The following GSK3B variants were observed in gnomAD, a reference collection of about 807,000 sequenced individuals.
The protein encoded by GSK3B is glycogen synthase kinase 3 beta, also known as glycogen synthase kinase-3 beta.
Under a neutral mutation model 56.4 loss-of-function variants are expected in GSK3B, and 15 were observed. The ratio of observed to expected loss-of-function variants is 0.27; its 90% confidence interval spans 0.18 to 0.41. GSK3B has a LOEUF of 0.41. Among genes scored for constraint, GSK3B ranks in the 10% least tolerant of loss-of-function variants. GSK3B has a pLI of 1.00. For synonymous variants in GSK3B, 181 were observed against 188.9 expected (o/e 0.96, Z 0.34); for missense variants, 300 against 513.4 (o/e 0.58, Z 4.02).
At position 119,877,663 on chromosome 3, in the gene GSK3B, T is replaced by G. The variant is rs114826407; in HGVS notation, c.814-1155A>C. ...TATACAAGGAACTATGTTAGGACCT[T>G]TGGAGGATACAAAGAACAAGAGATT... On this transcript the variant is annotated intron_variant, in intron 7 of 10. Coordinates refer to ENST00000264235, the MANE Select transcript of GSK3B (RefSeq NM_001146156.2). Among the ~76,000 whole-genome samples, 545 of 152,222 alleles carry G rather than the reference T, an allele frequency of 3.6e-3. 3 individuals carry two copies. The highest frequency in any genetic ancestry group is 0.012 in the African/African-American group (511 of 41,516).
chr3:120,008,325 C>A (rs138667438), intron 1 of GSK3B, among the ~76,000 whole-genome samples: 1 of 150,750 alleles, frequency 6.6e-6, no homozygotes, highest in Non-Finnish European at 1.5e-5. Context: ...TTATAGCTAC[C>A]ACTGACTTTC....
chr3:119,914,334 T>C (rs1184804894), intron 5 of GSK3B, among the ~76,000 whole-genome samples: 2 of 152,052 alleles, frequency 1.3e-5, no homozygotes, highest in African/African-American at 4.8e-5. Context: ...ATCAGAGGGT[T>C]TATAAAAATG....
At chr3:119,970,854 T>C (rs889327365) in intron 2 of GSK3B, among the ~76,000 whole-genome samples, 3 of 152,070 alleles carry the variant, frequency 2.0e-5, no homozygotes, top group Non-Finnish European at 4.4e-5. Flanking sequence ...CTTACTGTTC[T>C]GGAGCATCAT....
chr3:119,982,065 C>T (rs1445640983), intron 2 of GSK3B, among the ~76,000 whole-genome samples: 1 of 152,194 alleles, frequency 6.6e-6, no homozygotes, highest in Admixed American at 6.5e-5. Context: ...TGGTGATACA[C>T]AGGCAACCAG....
chr3:119,944,108 A>T (rs900850345), intron 3 of GSK3B, among the ~76,000 whole-genome samples: 2 of 152,172 alleles, frequency 1.3e-5, no homozygotes, highest in African/African-American at 4.8e-5. Context: ...GAACCTAACC[A>T]AGCCTTTAAT....
chr3:120,014,774 G>T (rs1559876914), intron 1 of GSK3B, among the ~76,000 whole-genome samples: 2 of 152,138 alleles, frequency 1.3e-5, no homozygotes, highest in African/African-American at 4.8e-5. Context: ...AAAAGGAGAG[G>T]CAGAGAAAAC....
intron 1 of GSK3B, among the ~76,000 whole-genome samples, chr3:120,014,194 G>C (rs912057035): frequency 6.6e-6 from 1 of 150,762 alleles, no homozygotes; most frequent in Non-Finnish European, 1.5e-5. Context: ...TGTTGGGCTA[G>C]ACACAGTGGC....
chr3:119,974,343 C>G (rs535438820), intron 2 of GSK3B, among the ~76,000 whole-genome samples: 6 of 152,256 alleles, frequency 3.9e-5, no homozygotes, highest in African/African-American at 1.4e-4. Context: ...TACACTGAAA[C>G]CTAAGCATCA....
At position 120,093,551 on chromosome 3, in the gene GSK3B, AG is replaced by A; in HGVS notation, c.-118del. On this transcript the variant is annotated 5_prime_UTR_variant, in exon 1 of 11. Coordinates refer to ENST00000264235, the MANE Select transcript of GSK3B (RefSeq NM_001146156.2). Reference sequence around the variant, plus strand: ...CATTAAGTTCTCCCACAGAAGAAAAAGAAAAAGACTTCGTCCTCTTGGCTTT... The same window carrying A: ...CATTAAGTTCTCCCACAGAAGAAAAAAAAAAGACTTCGTCCTCTTGGCTTT... 1 of 677,932 alleles carries A rather than the reference AG, an allele frequency of 1.5e-6. No homozygotes were observed. The allele number at this position is 677,932 out of a possible 1,614,324, so 42.0% of individuals were successfully genotyped here.
intron 3 of GSK3B, among the ~76,000 whole-genome samples, chr3:119,934,609 C>T (rs1017548749): frequency 1.3e-5 from 2 of 152,098 alleles, no homozygotes; most frequent in Admixed American, 6.6e-5. Flanking sequence ...AAACAAAAGA[C>T]CTTAGACAAA....
intron 1 of GSK3B, among the ~76,000 whole-genome samples, chr3:120,085,732 C>T (rs2058457990): frequency 6.6e-6 from 1 of 151,800 alleles, no homozygotes. Context: ...AACCAGGCCT[C>T]GAGGTGGCGG....
At chr3:120,010,928 C>T (rs1220166169) in intron 1 of GSK3B, among the ~76,000 whole-genome samples, 1 of 152,126 alleles carries the variant, frequency 6.6e-6, no homozygotes, top group Non-Finnish European at 1.5e-5. Context: ...ATTAGCCAAA[C>T]ACAGTGATGC....
chr3:119,876,369 T>C lies in GSK3B; in HGVS notation c.909+44A>G, dbSNP rs767276205. The C allele has an allele frequency of 1.2e-5, 12 of 985,310 alleles. No individual in the cohort carries two copies. In the East Asian group the frequency reaches 2.6e-4, roughly 21 times the overall value. The allele number at this position is 985,310 out of a possible 1,614,324, so 61.0% of individuals were successfully genotyped here. Reference sequence around the variant, plus strand: ...TTTAAGAACAATGAGAAACCTGTTTTAGTTAACTACTGATTAATATACTTA... The same window carrying C: ...TTTAAGAACAATGAGAAACCTGTTTCAGTTAACTACTGATTAATATACTTA... On this transcript the variant is annotated intron_variant, in intron 8 of 10. Coordinates refer to ENST00000264235, the MANE Select transcript of GSK3B (RefSeq NM_001146156.2).
At chr3:119,945,183 G>GA (rs978327553) in intron 3 of GSK3B, among the ~76,000 whole-genome samples, 3 of 152,128 alleles carry the variant, frequency 2.0e-5, no homozygotes, top group African/African-American at 7.2e-5. Flanking sequence ...GCACATCTTA[G>GA]AAAAATTTCC....
At chr3:120,030,571 G>C (rs1439697658) in intron 1 of GSK3B, among the ~76,000 whole-genome samples, 2 of 152,016 alleles carry the variant, frequency 1.3e-5, no homozygotes, top group Admixed American at 1.3e-4. Flanking sequence ...TCAGTTTATT[G>C]AATACACAAA....
At chr3:120,017,884 A>G (rs2057840523) in intron 1 of GSK3B, among the ~76,000 whole-genome samples, 1 of 152,222 alleles carries the variant, frequency 6.6e-6, no homozygotes, top group Non-Finnish European at 1.5e-5. Flanking sequence ...ATACTTTGGA[A>G]ACTAAAGTCT....
chr3:120,021,903 G>A (rs951853306), intron 1 of GSK3B, among the ~76,000 whole-genome samples: 1 of 152,140 alleles, frequency 6.6e-6, no homozygotes, highest in Non-Finnish European at 1.5e-5. Flanking sequence ...TTCTACTATG[G>A]GTAAAATGCT....
intron 1 of GSK3B, among the ~76,000 whole-genome samples, chr3:120,038,818 TA>T (rs60085357): frequency 0.035 from 4,252 of 121,746 alleles, 181 homozygotes; most frequent in African/African-American, 0.11. Flanking sequence ...GCACAGTCCA[TA>T]AAAAAAAAAA....
At chr3:119,971,861 T>A (rs2107516200) in intron 2 of GSK3B, among the ~76,000 whole-genome samples, 1 of 152,030 alleles carries the variant, frequency 6.6e-6, no homozygotes, top group Admixed American at 6.5e-5. Context: ...TCCGCCCGCC[T>A]CGGCCTCCCA....
Sources: allele counts gnomAD v4.1 joint callset (sites outside exome capture counted in the v4.1 genomes callset), GRCh38; gene constraint gnomAD v4.1.1; transcripts MANE v1.5; gene names NCBI Gene and HGNC (gene_info 2026-07-23, HGNC 2026-07-21).